Variants in SLC26A7 observed in about 807,000 individuals in gnomAD.
SLC26A7 encodes the protein anion exchange transporter.
Under a neutral mutation model 82.5 loss-of-function variants are expected in SLC26A7, and 59 were observed. The observed-to-expected ratio is 0.72, with a 90% CI of 0.58 to 0.89. SLC26A7 has a LOEUF of 0.89. Among genes scored for constraint, SLC26A7 ranks in the 40% least tolerant of loss-of-function variants. The pLI, the probability that SLC26A7 is intolerant of heterozygous loss-of-function variation, is 0.00. For missense variants in SLC26A7, 820 were observed against 793.0 expected (o/e 1.03, Z -0.41); for synonymous variants, 271 against 274.3 (o/e 0.99, Z 0.12).
chr8:91,347,247 G>A (rs1350053833), intron 9 of SLC26A7, among the ~76,000 whole-genome samples: 1 of 152,160 alleles, frequency 6.6e-6, no homozygotes, highest in East Asian at 1.9e-4. Flanking sequence ...ACTGCTTAAT[G>A]TTGCACATTT....
rs534611703 is a variant in SLC26A7, at chr8:91,394,410, C to A, written c.1935+371C>A. Reference sequence around the variant, plus strand: ...CTAAATATGGCCTTTTAAGTTTTTTCTGCTCTGATATCTTGCCTCTAAGCT... The same window carrying A: ...CTAAATATGGCCTTTTAAGTTTTTTATGCTCTGATATCTTGCCTCTAAGCT... On this transcript the variant is annotated intron_variant, in intron 18 of 18. Coordinates refer to ENST00000276609, the MANE Select transcript of SLC26A7 (RefSeq NM_052832.4). The A allele has an allele frequency of 1.6e-5, 23 of 1,455,320 alleles. No homozygotes were observed. The South Asian group carries it at 3.2e-4, about 20-fold the overall frequency. 90.2% of individuals were successfully genotyped at this position (1,455,320 alleles called of 1,614,324 possible).
At chr8:91,215,924 A>T (rs886908640) in intron 1 of SLC26A7, among the ~76,000 whole-genome samples, 4 of 152,184 alleles carry the variant, frequency 2.6e-5, no homozygotes, top group African/African-American at 7.2e-5. Context: ...ATAGAAATAC[A>T]AATTTAAAAG....
chr8:91,224,808 C>T (rs956238719), intron 2 of SLC26A7, among the ~76,000 whole-genome samples: 2 of 152,148 alleles, frequency 1.3e-5, no homozygotes, highest in Non-Finnish European at 2.9e-5. Flanking sequence ...TCTGCTGGTC[C>T]TTAGAGACTG....
intron 6 of SLC26A7, 49 bp from the exon 7 acceptor site, chr8:91,338,101 G>A: frequency 1.5e-6 from 2 of 1,358,254 alleles, no homozygotes; most frequent in Non-Finnish European, 2.0e-6. Context: ...AGGTGTTTGA[G>A]AGGTCAGTAA....
rs766345949 is a variant in SLC26A7, at chr8:91,318,331, T to C, written c.593T>C (p.Leu198Pro). ...THVVTSQVKY[L>P]LGMKMPYISG... Reference sequence around the variant, plus strand: ...GTGGTGACTTCACAAGTCAAATATCTCTTGGGAATGAAAATGCCATATATA... The same window carrying C: ...GTGGTGACTTCACAAGTCAAATATCCCTTGGGAATGAAAATGCCATATATA... Residue 198 changes from leucine (L) to proline (P), a missense_variant, in exon 5 of 19, where the codon CTC becomes CCC. Transcript: ENST00000276609. The C allele has an allele frequency of 5.6e-6, 9 of 1,612,356 alleles. No individual in the cohort carries two copies. The Admixed American group carries it at 1.5e-4, about 27-fold the overall frequency.
At chr8:91,334,919 G>A (rs977270720) in intron 6 of SLC26A7, among the ~76,000 whole-genome samples, 19 of 152,210 alleles carry the variant, frequency 1.2e-4, no homozygotes, top group Admixed American at 6.5e-4. Flanking sequence ...TTGAAAGGAT[G>A]CTCATGATTT....
chr8:91,260,952 C>T (rs148888106), intron 2 of SLC26A7, among the ~76,000 whole-genome samples: 3 of 152,154 alleles, frequency 2.0e-5, no homozygotes, highest in African/African-American at 7.2e-5. Context: ...AAATTTACCC[C>T]AGGAGACTCA....
chr8:91,388,255 C>T (rs1446415233), intron 15 of SLC26A7, among the ~76,000 whole-genome samples: 1 of 151,412 alleles, frequency 6.6e-6, no homozygotes, highest in Non-Finnish European at 1.5e-5. Context: ...CTCAGCCTCC[C>T]GAGCGGGATT....
chr8:91,394,464 G>A (rs1808511729), intron 18 of SLC26A7: 2 of 1,388,036 alleles, frequency 1.4e-6, no homozygotes, highest in Non-Finnish European at 1.9e-6. Flanking sequence ...AATACTATTT[G>A]TAGAATCTAG....
chr8:91,219,755 C>T (rs1261208868), intron 2 of SLC26A7, among the ~76,000 whole-genome samples: 1 of 152,182 alleles, frequency 6.6e-6, no homozygotes, highest in Non-Finnish European at 1.5e-5. Flanking sequence ...TCCAGAAGCA[C>T]TGAATTAGAA....
chr8:91,348,465 T>C, intron 9 of SLC26A7: 1 of 531,638 alleles, frequency 1.9e-6, no homozygotes, highest in Non-Finnish European at 2.4e-6. Context: ...AAAATAATTG[T>C]TTGAGAACAT....
chr8:91,283,325 G>A (rs1811624235), intron 2 of SLC26A7, among the ~76,000 whole-genome samples: 1 of 152,092 alleles, frequency 6.6e-6, no homozygotes, highest in African/African-American at 2.4e-5. Flanking sequence ...GGGAGAGGGA[G>A]AACAGAATTT....
intron 15 of SLC26A7, among the ~76,000 whole-genome samples, chr8:91,388,156 A>T (rs377244039): frequency 7.2e-5 from 11 of 152,040 alleles, no homozygotes; most frequent in African/African-American, 1.9e-4. Flanking sequence ...TTAGAGACGG[A>T]GTCTTGCTCT....
chr8:91,302,890 T>A (rs1404171440), intron 4 of SLC26A7, among the ~76,000 whole-genome samples: 1 of 151,286 alleles, frequency 6.6e-6, no homozygotes, highest in Admixed American at 6.6e-5. Flanking sequence ...GTAGATTTAT[T>A]GCCATGGTTT....
intron 15 of SLC26A7, among the ~76,000 whole-genome samples, chr8:91,377,590 G>A (rs896997091): frequency 7.9e-5 from 12 of 152,164 alleles, no homozygotes; most frequent in Non-Finnish European, 1.6e-4. Context: ...TCTGAGGATA[G>A]TGAGGGCACA....
intron 2 of SLC26A7, among the ~76,000 whole-genome samples, chr8:91,278,767 T>C (rs1376177110): frequency 6.6e-6 from 1 of 152,142 alleles, no homozygotes; most frequent in African/African-American, 2.4e-5. Context: ...ACACTTAAAA[T>C]CTATTCTCTT....
At chr8:91,286,155 G>A (rs753018643) in intron 2 of SLC26A7, among the ~76,000 whole-genome samples, 29 of 152,138 alleles carry the variant, frequency 1.9e-4, no homozygotes, top group Non-Finnish European at 3.5e-4. Flanking sequence ...TTCTTGGTCT[G>A]GGGTCAGGCA....
intron 15 of SLC26A7, among the ~76,000 whole-genome samples, chr8:91,385,325 A>G (rs577178884): frequency 6.6e-6 from 1 of 152,352 alleles, no homozygotes; most frequent in Non-Finnish European, 1.5e-5. Flanking sequence ...TTAGGAGTAT[A>G]GAACACAAGG....
At position 91,351,827 on chromosome 8, in the gene SLC26A7, T is replaced by A; in HGVS notation, c.1158T>A (p.Ser386=). 6.2e-7 allele frequency: 1 copy of A among 1,612,198 alleles called. No homozygotes were observed. The highest frequency in any genetic ancestry group is 8.5e-7 in the Non-Finnish European group (1 of 1,178,560). ...TTTTACAGGTGGCTTGTCTAATATCTTGCATTTTCGTCCTTATAGTCATCT... is the reference window on the plus strand; with the variant it reads ...TTTTACAGGTGGCTTGTCTAATATCATGCATTTTCGTCCTTATAGTCATCT... ...GAKTQVACLI[S]CIFVLIVIYA... is the part of the protein sequence containing the mutation. The change falls in exon 10 of 19, where the codon TCT becomes TCA. Residue 386 remains serine, a synonymous_variant. Coordinates refer to ENST00000276609, the MANE Select transcript of SLC26A7 (RefSeq NM_052832.4).
Sources: allele counts gnomAD v4.1 joint callset (sites outside exome capture counted in the v4.1 genomes callset), GRCh38; gene constraint gnomAD v4.1.1; transcripts MANE v1.5; gene names NCBI Gene and HGNC (gene_info 2026-07-23, HGNC 2026-07-21).